The following H2BC5 variants were observed in gnomAD, a reference collection of about 807,000 sequenced individuals.
H2BC5 encodes the protein H2B clustered histone 5, also known as histone H2B type 1-D.
In H2BC5, 9 loss-of-function variants were observed where a neutral mutation model predicts 5.7. The ratio of observed to expected loss-of-function variants is 1.57; its 90% confidence interval spans 0.95 to 2.74. H2BC5 has a LOEUF of 2.74. Among genes scored for constraint, H2BC5 ranks in the 30% most tolerant of loss-of-function variants. H2BC5 has a pLI of 0.00. For synonymous variants in H2BC5, 133 were observed against 70.9 expected (o/e 1.88, Z -4.40); for missense variants, 175 against 168.8 (o/e 1.04, Z -0.20).
At chr6:26,158,914 G>A (rs1019969567), downstream of H2BC5, among the ~76,000 whole-genome samples, 1 of 152,156 alleles carries the variant, frequency 6.6e-6, no homozygotes, top group African/African-American at 2.4e-5. Context: ...GGCCCGCCCT[G>A]AGCACGAAAG....
chr6:26,162,065 GAATT>G (rs375342921), downstream of H2BC5, among the ~76,000 whole-genome samples: 661 of 152,298 alleles, frequency 4.3e-3, 4 homozygotes, highest in Non-Finnish European at 6.0e-3. Flanking sequence ...TGTGTGCTGT[GAATT>G]AATTAAGCTC....
At chr6:26,164,132 C>A in intron 1 of H2BC5, 1 of 448,604 alleles carries the variant, frequency 2.2e-6, no homozygotes, top group East Asian at 5.7e-5. Context: ...AGTAGATCCC[C>A]CCGTGGGTGA....
intron 1 of H2BC5, among the ~76,000 whole-genome samples, chr6:26,167,354 T>G (rs1042834773): frequency 4.0e-4 from 61 of 152,312 alleles, no homozygotes; most frequent in African/African-American, 1.5e-3. Context: ...GTCTCAGCCC[T>G]GTTAAGGGGC....
At chr6:26,170,419 A>G (rs1286989976) in intron 1 of H2BC5, among the ~76,000 whole-genome samples, 1 of 152,204 alleles carries the variant, frequency 6.6e-6, no homozygotes, top group South Asian at 2.1e-4. Context: ...AAGTGCACAA[A>G]TATCTATAAC....
At chr6:26,158,753 G>A, downstream of H2BC5, 2 of 828,254 alleles carry the variant, frequency 2.4e-6, no homozygotes, top group South Asian at 3.8e-5. Flanking sequence ...ACTAGAAATT[G>A]AGTGCTATGG....
downstream of H2BC5, chr6:26,158,718 G>A (rs1014256867): frequency 2.7e-6 from 3 of 1,131,612 alleles, no homozygotes; most frequent in Non-Finnish European, 3.7e-6. Context: ...AAATAACTTG[G>A]AAGTTACAGG....
chr6:26,169,854 G>A (rs1764491375), intron 1 of H2BC5, among the ~76,000 whole-genome samples: 1 of 151,810 alleles, frequency 6.6e-6, no homozygotes, highest in African/African-American at 2.4e-5. Flanking sequence ...TGAGCCAAGA[G>A]GGCGTCACTG....
downstream of H2BC5, among the ~76,000 whole-genome samples, chr6:26,161,776 TAATA>T (rs1764355385): frequency 6.6e-6 from 1 of 151,906 alleles, no homozygotes; most frequent in Non-Finnish European, 1.5e-5. Context: ...TTGTCTCAAA[TAATA>T]AATAAATAAA....
At chr6:26,164,801 CCT>C (rs1054574222) in intron 1 of H2BC5, among the ~76,000 whole-genome samples, 3 of 152,060 alleles carry the variant, frequency 2.0e-5, no homozygotes, top group African/African-American at 7.2e-5. Context: ...TGGTGGTACC[CCT>C]GAGCCCCAGG....
chr6:26,158,140 T>G lies in H2BC5; in HGVS notation c.-30T>G, dbSNP rs1422913142. On this transcript the variant is annotated 5_prime_UTR_variant, in exon 1 of 1. Coordinates refer to ENST00000377777, the MANE Select transcript of H2BC5 (RefSeq NM_021063.4). ...GGGAGTGATTATTTTCTCAGGTGTT[T>G]GCAACAGTGTTCTAACTATTAACGC... is the stretch of plus-strand genomic sequence containing the variant. The G allele has an allele frequency of 1.3e-6, 2 of 1,595,656 alleles. No individual in the cohort carries two copies. The highest frequency in any genetic ancestry group is 1.8e-5 in the Admixed American group (1 of 55,438).
chr6:26,165,762 T>A (rs1764412418), intron 1 of H2BC5, among the ~76,000 whole-genome samples: 1 of 152,122 alleles, frequency 6.6e-6, no homozygotes, highest in Non-Finnish European at 1.5e-5. Context: ...TCATCCCCCC[T>A]CTGTAAGCCA....
downstream of H2BC5, chr6:26,161,131 C>G (rs1764345612): frequency 6.6e-6 from 1 of 151,820 alleles, no homozygotes; most frequent in Non-Finnish European, 1.5e-5. Context: ...TCGCTTCAAC[C>G]CAGGAGGCAG....
At chr6:26,166,947 C>T (rs902489733) in intron 1 of H2BC5, among the ~76,000 whole-genome samples, 2 of 151,454 alleles carry the variant, frequency 1.3e-5, no homozygotes, top group Non-Finnish European at 2.9e-5. Context: ...GTGATCTGCC[C>T]GCCTAGCCCT....
rs964656579 is a variant in H2BC5, at chr6:26,171,231, G to C, written c.*266G>C. 5.3e-5 allele frequency: 8 copies of C among 152,172 alleles called. No individual in the cohort carries two copies. The East Asian group carries it at 1.5e-3, about 29-fold the overall frequency. 9.4% of individuals were successfully genotyped at this position (152,172 alleles called of 1,614,324 possible). ...AGAATTTACTTCTGTTACAGACCTA[G>C]TTACTGGGAATTCATTACTTGCCAT... On this transcript the variant is annotated 3_prime_UTR_variant, in exon 2 of 2. Coordinates refer to the H2BC5 transcript ENST00000289316.
intron 1 of H2BC5, among the ~76,000 whole-genome samples, chr6:26,164,648 A>C (rs1204860705): frequency 6.6e-6 from 1 of 151,862 alleles, no homozygotes; most frequent in Non-Finnish European, 1.5e-5. Context: ...CTGGATTACC[A>C]AAATCTGCAG....
chr6:26,164,145 A>G, intron 1 of H2BC5: 1 of 447,458 alleles, frequency 2.2e-6, no homozygotes, highest in Non-Finnish European at 4.5e-6. Context: ...GTGGGTGAGG[A>G]GGCCAACCAC....
intron 1 of H2BC5, among the ~76,000 whole-genome samples, chr6:26,167,049 CTT>C (rs149341201): frequency 3.4e-4 from 33 of 97,030 alleles, no homozygotes; most frequent in African/African-American, 1.1e-3. Flanking sequence ...TTTGTTTTCT[CTT>C]TTTTTTTTTT....
At chr6:26,162,834 G>A (rs1308415899), downstream of H2BC5, among the ~76,000 whole-genome samples, 4 of 152,126 alleles carry the variant, frequency 2.6e-5, no homozygotes, top group Non-Finnish European at 5.9e-5. Context: ...CCACCGTGCC[G>A]AGCCCGGTAG....
intron 1 of H2BC5, among the ~76,000 whole-genome samples, chr6:26,168,806 T>C (rs1316650562): frequency 6.6e-6 from 1 of 152,180 alleles, no homozygotes; most frequent in Admixed American, 6.5e-5. Flanking sequence ...TATAAAACAT[T>C]ATCCCAGCAC....
Sources: allele counts gnomAD v4.1 joint callset (sites outside exome capture counted in the v4.1 genomes callset), GRCh38; gene constraint gnomAD v4.1.1; transcripts MANE v1.5; gene names NCBI Gene and HGNC (gene_info 2026-07-23, HGNC 2026-07-21).